Variants in THSD4 observed in about 807,000 individuals in gnomAD.
THSD4 encodes the protein thrombospondin type-1 domain-containing protein 4.
In THSD4, 69 loss-of-function variants were observed where a neutral mutation model predicts 119.0. That is an observed-to-expected ratio of 0.58 (90% CI 0.48 to 0.71). THSD4 has a LOEUF of 0.71. Ranked by LOEUF, THSD4 falls within the 30% of genes least tolerant of loss-of-function variation. The probability of loss-of-function intolerance (pLI) is 0.00; values close to 1 mark genes in which losing one functional copy is unlikely to be tolerated. For synonymous variants in THSD4, 524 were observed against 540.4 expected (o/e 0.97, Z 0.42); for missense variants, 1,393 against 1,391.1 (o/e 1.00, Z -0.02).
intron 6 of THSD4, among the ~76,000 whole-genome samples, chr15:71,298,580 CTG>C (rs2044898474): frequency 6.7e-6 from 1 of 149,492 alleles, no homozygotes; most frequent in African/African-American, 2.5e-5. Flanking sequence ...TTCTGTGAGA[CTG>C]AGACTGACCC....
At chr15:71,726,754 A>G (rs970540158) in intron 8 of THSD4, among the ~76,000 whole-genome samples, 1 of 152,188 alleles carries the variant, frequency 6.6e-6, no homozygotes, top group South Asian at 2.1e-4. Flanking sequence ...CCTGACCAAC[A>G]TGGTGAAACC....
At chr15:71,550,942 G>A (rs1249864312) in intron 7 of THSD4, among the ~76,000 whole-genome samples, 1 of 152,136 alleles carries the variant, frequency 6.6e-6, no homozygotes, top group African/African-American at 2.4e-5. Flanking sequence ...TTATATCACA[G>A]TTTTTTACAT....
intron 8 of THSD4, among the ~76,000 whole-genome samples, chr15:71,709,215 C>A (rs916717163): frequency 1.3e-5 from 2 of 152,176 alleles, no homozygotes; most frequent in Non-Finnish European, 2.9e-5. Flanking sequence ...ACTCTGCGAA[C>A]TATAAAATGC....
At chr15:71,390,849 CTTTTTT>C (rs1010882999) in intron 6 of THSD4, among the ~76,000 whole-genome samples, 6 of 90,880 alleles carry the variant, frequency 6.6e-5, no homozygotes, top group Non-Finnish European at 8.4e-5. Flanking sequence ...TTGGCTAAAT[CTTTTTT>C]TTTTTTTTTT....
intron 6 of THSD4, among the ~76,000 whole-genome samples, chr15:71,358,056 T>A (rs1596363813): frequency 6.6e-6 from 1 of 152,316 alleles, no homozygotes; most frequent in South Asian, 2.1e-4. Context: ...GGCGGCCAGA[T>A]CCCATTTTCA....
chr15:71,735,850 C>G (rs1308870441), intron 10 of THSD4, among the ~76,000 whole-genome samples: 1 of 150,868 alleles, frequency 6.6e-6, no homozygotes, highest in Non-Finnish European at 1.5e-5. Flanking sequence ...CTTTCGCTCT[C>G]TGTCTCTCCT....
intron 7 of THSD4, among the ~76,000 whole-genome samples, chr15:71,441,684 T>C (rs958349807): frequency 1.1e-4 from 17 of 151,580 alleles, no homozygotes; most frequent in Admixed American, 5.2e-4. Flanking sequence ...TGAGCCACCA[T>C]GTCCAGCCTC....
chr15:71,356,123 A>G (rs2045806449), intron 6 of THSD4, among the ~76,000 whole-genome samples: 1 of 152,130 alleles, frequency 6.6e-6, no homozygotes. Flanking sequence ...CTACCTCAGT[A>G]TCCCAAAGTG....
chr15:71,675,059 C>T (rs1447018080), intron 8 of THSD4, among the ~76,000 whole-genome samples: 1 of 152,124 alleles, frequency 6.6e-6, no homozygotes, highest in Non-Finnish European at 1.5e-5. Flanking sequence ...ACTCTGAATC[C>T]TTAGCTTCCA....
At chr15:71,647,565 T>C (rs1237610294) in intron 7 of THSD4, among the ~76,000 whole-genome samples, 1 of 152,220 alleles carries the variant, frequency 6.6e-6, no homozygotes, top group East Asian at 1.9e-4. Context: ...AATTTCTTAG[T>C]CATTCTGGTC....
At chr15:71,593,554 G>A (rs1262948088) in intron 7 of THSD4, among the ~76,000 whole-genome samples, 2 of 151,872 alleles carry the variant, frequency 1.3e-5, no homozygotes, top group Non-Finnish European at 2.9e-5. Context: ...GGATGACAGT[G>A]CCCTCCTACC....
At chr15:71,715,240 C>T (rs946891986) in intron 8 of THSD4, among the ~76,000 whole-genome samples, 2 of 152,162 alleles carry the variant, frequency 1.3e-5, no homozygotes, top group African/African-American at 4.8e-5. Flanking sequence ...TATGTACATC[C>T]TGTGTTTTTT....
chr15:71,293,904 C>A (rs1255217586), intron 6 of THSD4, among the ~76,000 whole-genome samples: 1 of 152,124 alleles, frequency 6.6e-6, no homozygotes, highest in Admixed American at 6.5e-5. Flanking sequence ...AACAGTCCCT[C>A]CCAGTGGCTG....
intron 7 of THSD4, among the ~76,000 whole-genome samples, chr15:71,458,750 T>C (rs949113564): frequency 2.0e-5 from 3 of 152,204 alleles, no homozygotes; most frequent in Non-Finnish European, 4.4e-5. Flanking sequence ...GAGGAAAATA[T>C]TGTATTCATC....
At chr15:71,531,547 G>GGGTT (rs1051189134) in intron 7 of THSD4, among the ~76,000 whole-genome samples, 1 of 152,044 alleles carries the variant, frequency 6.6e-6, no homozygotes, top group African/African-American at 2.4e-5. Flanking sequence ...CAGACGCCCT[G>GGGTT]GGTTTGAATC....
chr15:71,372,807 C>G (rs2046074434), intron 6 of THSD4, among the ~76,000 whole-genome samples: 1 of 152,234 alleles, frequency 6.6e-6, no homozygotes. Context: ...TGAAAGCTGT[C>G]AGACAGGGAC....
At chr15:71,115,459 C>G (rs527252134), upstream of THSD4, 10 of 152,244 alleles carry the variant, frequency 6.6e-5, no homozygotes, top group Non-Finnish European at 1.2e-4. The surrounding 1 kb of genome is among the most constrained non-coding windows in gnomAD (Gnocchi z 4.4). Flanking sequence ...GCGCGGATCC[C>G]GCTCTCGGAT....
At chr15:71,266,987 T>C (rs552466591) in intron 6 of THSD4, among the ~76,000 whole-genome samples, 3 of 152,286 alleles carry the variant, frequency 2.0e-5, no homozygotes, top group South Asian at 2.1e-4. Flanking sequence ...CTATGTTTGA[T>C]TGGTGTACCT....
intron 7 of THSD4, among the ~76,000 whole-genome samples, chr15:71,484,411 C>A (rs1163660860): frequency 2.0e-5 from 3 of 152,196 alleles, no homozygotes; most frequent in African/African-American, 7.2e-5. Context: ...TATTATTATT[C>A]CAAACTTAAA....
Sources: gnomAD v4.1 joint callset for allele counts (sites outside exome capture counted in the v4.1 genomes callset) on GRCh38, gnomAD v4.1.1 for gene constraint, Gnocchi (gnomAD v3.1) non-coding constraint, MANE v1.5 for transcripts, NCBI Gene and HGNC (gene_info 2026-07-23, HGNC 2026-07-21) for gene names.